DYNC2H1: variants seen among roughly 807,000 people sequenced by gnomAD.
DYNC2H1 encodes cytoplasmic dynein 2 heavy chain 1.
A neutral mutation model predicts 570.0 loss-of-function variants in DYNC2H1; 410 were observed. The observed-to-expected ratio is 0.72, with a 90% confidence interval of 0.66 to 0.78. The LOEUF is 0.78. DYNC2H1 is among the 30% of genes least tolerant of loss of function. The pLI, the probability that DYNC2H1 is intolerant of heterozygous loss-of-function variation, is 0.00. For synonymous variants in DYNC2H1, 1,688 were observed against 1,677.6 expected (o/e 1.01, Z -0.15); for missense variants, 4,865 against 5,046.4 (o/e 0.96, Z 1.09).
intron 6 of DYNC2H1, among the ~76,000 whole-genome samples, chr11:103,119,257 T>TATA (rs1333709632): frequency 1.3e-5 from 2 of 152,154 alleles, no homozygotes; most frequent in African/African-American, 4.8e-5. Context: ...TTATTATTAT[T>TATA]ATACTCAATT....
At chr11:103,235,430 G>A (rs1246888857) in intron 61 of DYNC2H1, among the ~76,000 whole-genome samples, 1 of 151,730 alleles carries the variant, frequency 6.6e-6, no homozygotes, top group East Asian at 1.9e-4. Flanking sequence ...CTTTAAAATC[G>A]TTAAGAACTT....
intron 69 of DYNC2H1, 86 bp from the exon 70 acceptor site, chr11:103,259,802 C>G (rs1865197006): frequency 1.2e-6 from 1 of 850,666 alleles, no homozygotes; most frequent in Non-Finnish European, 1.8e-6. Context: ...GTTTCAGAAT[C>G]AGCTTTGAAT....
At chr11:103,282,860 C>T in intron 72 of DYNC2H1, 148 bp from the exon 73 acceptor site, 1 of 566,722 alleles carries the variant, frequency 1.8e-6, no homozygotes, top group Non-Finnish European at 3.0e-6. Flanking sequence ...AGAATTTTAC[C>T]ATGGTGACTT....
chr11:103,286,157 A>G, intron 73 of DYNC2H1, 98 bp from the exon 74 acceptor site: 7 of 1,468,832 alleles, frequency 4.8e-6, no homozygotes, highest in Non-Finnish European at 6.5e-6. Context: ...AATAAACATC[A>G]ACCAATAATT....
Position 103,216,613 on chromosome 11 carries a change from G to C in DYNC2H1, c.8832+755G>C, listed in dbSNP as rs116485023. On this transcript the variant is annotated intron_variant, in intron 55 of 88. Coordinates refer to ENST00000375735, the MANE Select transcript of DYNC2H1 (RefSeq NM_001377.3). ...TAAGGACCAGCCTGGGCAATATAGT[G>C]AGACCTTATCTCTACAAAAAAAGTA... 7.9e-5 allele frequency among the ~76,000 whole-genome samples: 12 copies of C among 152,120 alleles called. 1 individual carries two copies. In the South Asian group the frequency reaches 1.9e-3, roughly 24 times the overall value.
chr11:103,284,234 CT>C (rs1866259872), intron 73 of DYNC2H1, among the ~76,000 whole-genome samples: 1 of 152,190 alleles, frequency 6.6e-6, no homozygotes, highest in African/African-American at 2.4e-5. Flanking sequence ...ACTGACCTCA[CT>C]TTGCTCCTTG....
rs1380995506 is a variant in DYNC2H1 at position 103,261,825 on chromosome 11, G to C, written c.10695+1848G>C. Among the ~76,000 whole-genome samples, 1 of 152,122 alleles carries C rather than the reference G, an allele frequency of 6.6e-6. No individual in the cohort carries two copies. The highest frequency in any genetic ancestry group is 1.5e-5 in the Non-Finnish European group (1 of 68,030). ...GGATCACAACTCCTTGCCAGCAAGG[G>C]AACAAAACTGGACGGAGAATGAGTT... On this transcript the variant is annotated intron_variant, in intron 70 of 88. Coordinates refer to ENST00000375735, the MANE Select transcript of DYNC2H1 (RefSeq NM_001377.3). This position sits in a 1 kb window ranked among gnomAD's most constrained non-coding sequence, Gnocchi z 4.8.
chr11:103,218,449 T>A (rs1863465482), intron 55 of DYNC2H1, among the ~76,000 whole-genome samples: 1 of 152,180 alleles, frequency 6.6e-6, no homozygotes, highest in Non-Finnish European at 1.5e-5. Context: ...TCTCAAGGTA[T>A]TTTGGAACAA....
chr11:103,179,509 T>A (rs1861762525), intron 39 of DYNC2H1, among the ~76,000 whole-genome samples: 2 of 151,856 alleles, frequency 1.3e-5, no homozygotes, highest in South Asian at 4.1e-4. Context: ...TTTGTTGAAA[T>A]ATTGTGACTG....
At chr11:103,231,386 AG>A in intron 60 of DYNC2H1, 40 bp downstream of exon 60, 1 of 1,321,420 alleles carries the variant, frequency 7.6e-7, no homozygotes. Context: ...TAATGCTGAG[AG>A]TGTTTACATT....
Position 103,165,886 on chromosome 11 carries a change from T to C in DYNC2H1, c.4612-12T>C. 6.9e-7 allele frequency: 1 copy of C among 1,445,932 alleles called. No individual in the cohort carries two copies. Among genetic ancestry groups the C allele is most frequent in the Non-Finnish European group, 9.1e-7 (1 of 1,099,758 alleles). 89.6% of individuals were successfully genotyped at this position (1,445,932 alleles called of 1,614,324 possible). The stretch of plus-strand genomic sequence containing the variant: ...TCACCTTTTAAAAATAATTTTTCTC[T>C]TTATTCAATAGATTTTATGCTTGGC... On this transcript the variant is annotated splice_polypyrimidine_tract_variant and intron_variant, in intron 30 of 88. Coordinates refer to ENST00000375735, the MANE Select transcript of DYNC2H1 (RefSeq NM_001377.3).
chr11:103,362,320 CTTTTTTTTTTTTCTTTTTTTTTTT>C (rs1270195608), intron 83 of DYNC2H1, among the ~76,000 whole-genome samples: 1 of 71,620 alleles, frequency 1.4e-5, no homozygotes, highest in Non-Finnish European at 3.1e-5. Flanking sequence ...TAATTTTTTT[CTTTTTTTTTTTTCTTTTTTTTTTT>C]TTTTTAGCTA....
intron 84 of DYNC2H1, among the ~76,000 whole-genome samples, chr11:103,414,851 A>G (rs1943220780): frequency 6.6e-6 from 1 of 152,180 alleles, no homozygotes; most frequent in African/African-American, 2.4e-5. Flanking sequence ...TTCAAGAAGA[A>G]CGATAAAACC....
At position 103,189,600 on chromosome 11, in the gene DYNC2H1, A is replaced by G; in HGVS notation, c.7293-72A>G. ...AGCACAGTTTCAAAACCACTGTTGTAACTTAACATTGAAATATTAATTTGG... is the reference window on the plus strand; with the variant it reads ...AGCACAGTTTCAAAACCACTGTTGTGACTTAACATTGAAATATTAATTTGG... On this transcript the variant is annotated intron_variant, in intron 44 of 88. Coordinates refer to ENST00000375735, the MANE Select transcript of DYNC2H1 (RefSeq NM_001377.3). This position sits in a 1 kb window ranked among gnomAD's most constrained non-coding sequence, Gnocchi z 4.3. 1.2e-5 allele frequency: 18 copies of G among 1,484,016 alleles called. No homozygotes were observed. Among genetic ancestry groups the G allele is most frequent in the Non-Finnish European group, 1.7e-5 (18 of 1,082,806 alleles). 91.9% of individuals were successfully genotyped at this position (1,484,016 alleles called of 1,614,324 possible). A position where few individuals can be genotyped will look rare whatever the true frequency, so the allele number is the denominator to read the frequency against.
intron 4 of DYNC2H1, among the ~76,000 whole-genome samples, chr11:103,115,690 G>A (rs1327914646): frequency 6.6e-6 from 1 of 152,032 alleles, no homozygotes; most frequent in Admixed American, 6.6e-5. Context: ...GGAGGCTGAG[G>A]CAGGATAATC....
chr11:103,455,056 T>A (rs973688123), intron 85 of DYNC2H1, 130 bp from the exon 86 acceptor site: 5 of 598,286 alleles, frequency 8.4e-6, no homozygotes, highest in Admixed American at 6.3e-5. Context: ...GGAAATGTTA[T>A]ATATATATTT....
intron 60 of DYNC2H1, among the ~76,000 whole-genome samples, chr11:103,232,108 G>A (rs1048109931): frequency 2.0e-5 from 3 of 151,870 alleles, no homozygotes; most frequent in Admixed American, 1.3e-4. Flanking sequence ...TATTTTCACT[G>A]TCATGTGCTC....
chr11:103,402,496 A>G (rs1942683753), intron 84 of DYNC2H1: 1 of 152,096 alleles, frequency 6.6e-6, no homozygotes, highest in South Asian at 2.1e-4. Context: ...TCACATGGCC[A>G]GGCCAGATGT....
intron 88 of DYNC2H1, chr11:103,474,130 GA>G: frequency 4.9e-6 from 1 of 205,640 alleles, no homozygotes; most frequent in African/African-American, 2.4e-5. Flanking sequence ...CTATATTGTT[GA>G]AAAATCAGGG....
Sources: gnomAD v4.1 joint callset for allele counts (sites outside exome capture counted in the v4.1 genomes callset) on GRCh38, gnomAD v4.1.1 for gene constraint, Gnocchi (gnomAD v3.1) non-coding constraint, MANE v1.5 for transcripts, NCBI Gene and HGNC (gene_info 2026-07-23, HGNC 2026-07-21) for gene names.